Variants in L2HGDH observed in about 807,000 individuals in gnomAD.
L2HGDH encodes the protein L-2-hydroxyglutarate dehydrogenase, mitochondrial.
L2HGDH carries 34 observed loss-of-function variants against 51.5 expected under a neutral mutation model. The observed-to-expected ratio is 0.66, with a 90% CI of 0.50 to 0.88. The LOEUF (loss-of-function observed/expected upper bound fraction) is 0.88. Among genes scored for constraint, L2HGDH ranks in the 40% least tolerant of loss-of-function variants. The probability of loss-of-function intolerance (pLI) is 0.00; values close to 1 mark genes in which losing one functional copy is unlikely to be tolerated. For missense variants in L2HGDH, 558 were observed against 571.9 expected, an observed-to-expected ratio of 0.98 and a Z score of 0.25; for synonymous variants, 198 against 197.9, an observed-to-expected ratio of 1.00 and a Z score of -0.01.
At chr14:50,252,702 T>C (rs969791602) in intron 9 of L2HGDH, among the ~76,000 whole-genome samples, 11 of 152,076 alleles carry the variant, frequency 7.2e-5, no homozygotes, top group Admixed American at 1.3e-4. Flanking sequence ...AAGATTATTA[T>C]ATAATGATAA....
rs2030451664 is a variant in L2HGDH, at chr14:50,302,182, G to C, written c.257-14C>G. On this transcript the variant is annotated splice_polypyrimidine_tract_variant and intron_variant, in intron 2 of 9. Transcript: ENST00000267436. ...TCTGGTGAACAGCTACAGAACAAGA[G>C]AAACAGGGTAAGAGTAAGTACATGA... is the stretch of plus-strand genomic sequence containing the variant. 2 of 1,613,334 alleles carry C rather than the reference G, an allele frequency of 1.2e-6. No homozygotes were observed. Among genetic ancestry groups the C allele is most frequent in the Non-Finnish European group, 1.7e-6 (2 of 1,179,466 alleles).
intron 9 of L2HGDH, among the ~76,000 whole-genome samples, chr14:50,258,712 C>T (rs1888819231): frequency 6.6e-6 from 1 of 152,024 alleles, no homozygotes. Context: ...TGGGGTCTTG[C>T]TATATTGTCC....
chr14:50,269,921 T>C (rs1219083148), intron 6 of L2HGDH, among the ~76,000 whole-genome samples: 2 of 152,234 alleles, frequency 1.3e-5, no homozygotes. Context: ...ATAACATCTC[T>C]GGCACTGAAG....
At chr14:50,300,645 T>C (rs2030356584) in intron 3 of L2HGDH, among the ~76,000 whole-genome samples, 1 of 151,934 alleles carries the variant, frequency 6.6e-6, no homozygotes, top group East Asian at 1.9e-4. Context: ...ATGATAAATA[T>C]TTACAATTTT....
chr14:50,304,996 A>T (rs1373599700), intron 1 of L2HGDH, among the ~76,000 whole-genome samples: 3 of 152,212 alleles, frequency 2.0e-5, no homozygotes, highest in African/African-American at 7.2e-5. Flanking sequence ...TCGAAAAGTG[A>T]TCTAAGTTTC....
intron 3 of L2HGDH, among the ~76,000 whole-genome samples, chr14:50,296,842 C>T (rs1003608815): frequency 3.9e-5 from 6 of 152,002 alleles, no homozygotes; most frequent in African/African-American, 1.5e-4. Context: ...AAACCAATAT[C>T]CCTTAAAAAT....
chr14:50,269,424 GA>G (rs1300638167), intron 6 of L2HGDH, 94 bp from the exon 7 acceptor site: 3 of 1,241,896 alleles, frequency 2.4e-6, no homozygotes, highest in South Asian at 2.5e-5. Context: ...AAAAGGTACA[GA>G]AATAGAATTT....
chr14:50,309,188 G>C (rs965591435), intron 1 of L2HGDH, among the ~76,000 whole-genome samples: 4 of 151,902 alleles, frequency 2.6e-5, no homozygotes, highest in Non-Finnish European at 5.9e-5. Flanking sequence ...TTTTCTTTTA[G>C]AGATCATGCT....
At chr14:50,302,683 G>A (rs1236690823) in intron 2 of L2HGDH, among the ~76,000 whole-genome samples, 1 of 152,044 alleles carries the variant, frequency 6.6e-6, no homozygotes, top group Non-Finnish European at 1.5e-5. Flanking sequence ...CCTGTTTCCT[G>A]AGATAACCTC....
chr14:50,274,848 G>A (rs765746528), intron 6 of L2HGDH, among the ~76,000 whole-genome samples: 1 of 151,914 alleles, frequency 6.6e-6, no homozygotes, highest in African/African-American at 2.4e-5. Flanking sequence ...AAGATACTGT[G>A]CTAAGTGAAA....
chr14:50,250,565 TACTG>T (rs1378555458), intron 9 of L2HGDH, among the ~76,000 whole-genome samples: 4 of 152,192 alleles, frequency 2.6e-5, no homozygotes, highest in South Asian at 4.1e-4. Flanking sequence ...TGAGGAAGCT[TACTG>T]CCCTGAAGGG....
chr14:50,309,598 A>C (rs954175002), intron 1 of L2HGDH, among the ~76,000 whole-genome samples: 17 of 151,734 alleles, frequency 1.1e-4, no homozygotes, highest in Non-Finnish European at 2.5e-4. Flanking sequence ...AGTTGCCAAG[A>C]GTTAGGAAGA....
At chr14:50,281,256 C>A (rs1687177497) in intron 5 of L2HGDH, among the ~76,000 whole-genome samples, 1 of 152,092 alleles carries the variant, frequency 6.6e-6, no homozygotes, top group South Asian at 2.1e-4. Flanking sequence ...AAGGAGATGT[C>A]ATGTCATGAA....
At chr14:50,261,647 A>C (rs888753223) in intron 9 of L2HGDH, among the ~76,000 whole-genome samples, 1 of 151,680 alleles carries the variant, frequency 6.6e-6, no homozygotes, top group Non-Finnish European at 1.5e-5. Flanking sequence ...CTGCCCAGCT[A>C]ATTAAAAAAA....
chr14:50,302,029 C>T lies in L2HGDH; in HGVS notation c.396G>A (p.Lys132=), dbSNP rs2030439454. The T allele has an allele frequency of 2.5e-6, 4 of 1,614,046 alleles. No individual in the cohort carries two copies. The East Asian group carries it at 8.9e-5, about 36-fold the overall frequency. The part of the protein sequence containing the change: ...EYCQQKGISY[K]QCGKLIVAVE... Reference sequence around the variant, plus strand: ...TAAAATGCCATACCTTGCCACACTGCTTGTAGGAAATTCCCTTTTGCTGAC... The same window carrying T: ...TAAAATGCCATACCTTGCCACACTGTTTGTAGGAAATTCCCTTTTGCTGAC... Residue 132 remains lysine, a synonymous_variant, in exon 3 of 10, where the codon AAG becomes AAA. Transcript: ENST00000267436.
Position 50,246,438 on chromosome 14 carries a change from ATTTTTTTTTTTTTT to A in L2HGDH, c.*606_*619del, listed in dbSNP as rs35924556. 1 of 62,868 alleles carries A rather than the reference ATTTTTTTTTTTTTT, an allele frequency of 1.6e-5. No individual in the cohort carries two copies. The highest frequency in any genetic ancestry group is 2.2e-4 in the Admixed American group (1 of 4,526). 3.9% of individuals were successfully genotyped at this position (62,868 alleles called of 1,614,324 possible). The stretch of plus-strand genomic sequence containing the variant: ...TCATTCACTATGTTGCCCAGGCTGG[ATTTTTTTTTTTTTT>A]TTTTTTTTTTTTGAGACAAGATCTT... On this transcript the variant is annotated 3_prime_UTR_variant, in exon 10 of 10. Coordinates refer to ENST00000267436, the MANE Select transcript of L2HGDH (RefSeq NM_024884.3).
intron 3 of L2HGDH, among the ~76,000 whole-genome samples, chr14:50,299,488 C>G (rs2030278734): frequency 6.6e-6 from 1 of 152,150 alleles, no homozygotes; most frequent in African/African-American, 2.4e-5. Context: ...TGGTATTACC[C>G]TGATACCAAA....
chr14:50,259,384 T>TTTC (rs1566506714), intron 9 of L2HGDH, among the ~76,000 whole-genome samples: 5 of 111,948 alleles, frequency 4.5e-5, no homozygotes, highest in African/African-American at 1.6e-4. Flanking sequence ...TTTTTTTTTT[T>TTTC]CAGAAATGGG....
At chr14:50,311,946 C>A in intron 1 of L2HGDH, 65 bp downstream of exon 1, 1 of 1,532,102 alleles carries the variant, frequency 6.5e-7, no homozygotes, top group Admixed American at 2.0e-5. Flanking sequence ...GGGCACAGGT[C>A]CACCACCAGG....
Sources: allele counts gnomAD v4.1 joint callset (sites outside exome capture counted in the v4.1 genomes callset), GRCh38; gene constraint gnomAD v4.1.1; transcripts MANE v1.5; gene names NCBI Gene and HGNC (gene_info 2026-07-23, HGNC 2026-07-21).